SNAPC1: variants seen among roughly 807,000 people sequenced by gnomAD.
SNAPC1 encodes small nuclear RNA activating complex polypeptide 1.
A neutral mutation model predicts 50.1 loss-of-function variants in SNAPC1; 42 were observed. That is an observed-to-expected ratio of 0.84 (90% CI 0.65 to 1.08). SNAPC1 has a LOEUF of 1.08. SNAPC1 is among the 50% of genes least tolerant of loss of function. SNAPC1 has a pLI of 0.00. For missense variants in SNAPC1, 477 were observed against 427.3 expected (o/e 1.12, Z -1.02); for synonymous variants, 164 against 144.2 (o/e 1.14, Z -0.98).
intron 1 of SNAPC1, among the ~76,000 whole-genome samples, chr14:61,762,981 CTTTTTTTTTTT>C (rs145378546): frequency 0.017 from 1,233 of 73,058 alleles, 29 homozygotes; most frequent in African/African-American, 0.062. Flanking sequence ...CCAAAGTTGT[CTTTTTTTTTTT>C]TTTTTTTTTT....
At chr14:61,778,723 T>C in intron 6 of SNAPC1, 125 bp from the exon 7 acceptor site, 1 of 672,556 alleles carries the variant, frequency 1.5e-6, no homozygotes, top group Non-Finnish European at 2.6e-6. Flanking sequence ...ACCCAATGTA[T>C]GTTAGTTTCT....
Position 61,762,826 on chromosome 14 carries a change from C to T in SNAPC1, c.128+238C>T, listed in dbSNP as rs565578697. 1.2e-4 allele frequency among the ~76,000 whole-genome samples: 19 copies of T among 152,016 alleles called. No individual in the cohort carries two copies. The East Asian group carries it at 1.4e-3, about 11-fold the overall frequency. On this transcript the variant is annotated intron_variant, in intron 1 of 9. Transcript: ENST00000216294. ...CAAATATGCGTCTCTGCCTGGCCTCCCTTCTAAACTCCTCTCTCCCATCTC... is the reference window on the plus strand; with the variant it reads ...CAAATATGCGTCTCTGCCTGGCCTCTCTTCTAAACTCCTCTCTCCCATCTC...
At chr14:61,793,021 T>C in intron 9 of SNAPC1, 119 bp downstream of exon 9, 2 of 539,246 alleles carry the variant, frequency 3.7e-6, no homozygotes, top group South Asian at 5.5e-5. Context: ...TCCTTTCATC[T>C]TTGACCCATT....
rs1269716177 is a variant in SNAPC1, at chr14:61,782,327, A to T, written c.906A>T (p.Lys302Asn). 6.2e-7 allele frequency: 1 copy of T among 1,613,670 alleles called. No homozygotes were observed. Among genetic ancestry groups the T allele is most frequent in the South Asian group, 1.1e-5 (1 of 90,994 alleles). Residue 302 changes from lysine to asparagine, a missense_variant, in exon 8 of 10, where the codon AAA becomes AAT. Physicochemically the swap from Lys to Asn is moderately conservative, Grantham distance 94 (BLOSUM62 0). Transcript: ENST00000216294. ...SDSASGQGQV[K>N]ATRKKEKKER... ...CTGCATCTGGTCAAGGGCAAGTCAA[A>T]GCAACTAGGAAAAAAGAGAAGAAAG...
At chr14:61,765,590 C>CGCTA (rs2044940981) in intron 1 of SNAPC1, among the ~76,000 whole-genome samples, 1 of 152,152 alleles carries the variant, frequency 6.6e-6, no homozygotes, top group South Asian at 2.1e-4. Flanking sequence ...TTCTGATTAG[C>CGCTA]TTTTCCAAAG....
chr14:61,771,298 T>C lies in SNAPC1; in HGVS notation c.534+2558T>C, dbSNP rs111738872. 8.8e-3 allele frequency among the ~76,000 whole-genome samples: 1,335 copies of C among 152,298 alleles called. 7 individuals carry two copies. Among genetic ancestry groups the C allele is most frequent in the Middle Eastern group, 0.031 (9 of 294 alleles). On this transcript the variant is annotated intron_variant, in intron 4 of 9. Transcript: ENST00000216294. Reference sequence around the variant, plus strand: ...TAAAAATAGGGGTTTTTATCCGTGATTTAAAGTTGAGGAAACTGAGTTACA... The same window carrying C: ...TAAAAATAGGGGTTTTTATCCGTGACTTAAAGTTGAGGAAACTGAGTTACA...
intron 7 of SNAPC1, among the ~76,000 whole-genome samples, chr14:61,780,658 T>A (rs946017673): frequency 5.3e-5 from 8 of 152,240 alleles, no homozygotes; most frequent in Non-Finnish European, 8.8e-5. Context: ...GTTGTTTCTT[T>A]TGTTGTACAG....
intron 7 of SNAPC1, among the ~76,000 whole-genome samples, chr14:61,780,391 G>T (rs1046566089): frequency 6.6e-5 from 10 of 152,152 alleles, no homozygotes; most frequent in African/African-American, 2.2e-4. Context: ...CAGTTGCCTA[G>T]CTCTGAGGTT....
intron 4 of SNAPC1, among the ~76,000 whole-genome samples, chr14:61,773,581 A>G (rs2045011262): frequency 6.6e-6 from 1 of 151,108 alleles, no homozygotes; most frequent in Admixed American, 6.6e-5. Flanking sequence ...TTTTTTTAGT[A>G]GAGACAAGGT....
chr14:61,784,547 C>T (rs1038025548), intron 8 of SNAPC1, among the ~76,000 whole-genome samples: 2 of 152,042 alleles, frequency 1.3e-5, no homozygotes, highest in African/African-American at 4.8e-5. Flanking sequence ...GTTTTGTGAG[C>T]CGTGTTTCTG....
At chr14:61,767,114 A>G in intron 2 of SNAPC1, 79 bp downstream of exon 2, 1 of 1,103,210 alleles carries the variant, frequency 9.1e-7, no homozygotes, top group South Asian at 2.7e-5. Context: ...TTATATGATT[A>G]AATATGATTT....
intron 8 of SNAPC1, among the ~76,000 whole-genome samples, chr14:61,784,859 A>C (rs1295669121): frequency 6.6e-6 from 1 of 152,226 alleles, no homozygotes; most frequent in Non-Finnish European, 1.5e-5. Flanking sequence ...GTGTAATTAG[A>C]TAAGAGAGTG....
chr14:61,763,008 T>TTTTTTG (rs398025347), intron 1 of SNAPC1, among the ~76,000 whole-genome samples: 1 of 133,980 alleles, frequency 7.5e-6, no homozygotes, highest in Non-Finnish European at 1.6e-5. Flanking sequence ...TTTTTTTTTT[T>TTTTTTG]GAGACGGAGT....
chr14:61,771,639 T>G (rs2044992183), intron 4 of SNAPC1, among the ~76,000 whole-genome samples: 1 of 152,128 alleles, frequency 6.6e-6, no homozygotes, highest in Non-Finnish European at 1.5e-5. Flanking sequence ...ACATAATGTT[T>G]ATGTTTGGAG....
rs775011236 is a variant in SNAPC1, at chr14:61,778,962, T to C, written c.825+52T>C. The C allele has an allele frequency of 8.8e-6, 9 of 1,020,166 alleles. No homozygotes were observed. In the South Asian group the frequency reaches 1.3e-4, roughly 15 times the overall value. 63.2% of individuals were successfully genotyped at this position (1,020,166 alleles called of 1,614,324 possible). A position where few individuals can be genotyped will look rare whatever the true frequency, so the allele number is the denominator to read the frequency against. On this transcript the variant is annotated intron_variant, in intron 7 of 9. Transcript: ENST00000216294. ...TGGAAATTGACTGCTTTTTAAATTA[T>C]ATTTCAATTTTTCATCAAAGTAGTA...
chr14:61,766,622 G>A (rs1023627651), intron 1 of SNAPC1, among the ~76,000 whole-genome samples: 1 of 152,178 alleles, frequency 6.6e-6, no homozygotes, highest in South Asian at 2.1e-4. Context: ...TTAACCAATA[G>A]TAATTTGAAA....
chr14:61,789,617 G>T (rs10137051), intron 8 of SNAPC1, among the ~76,000 whole-genome samples: 16,453 of 152,206 alleles, frequency 0.11, 1,227 homozygotes, highest in South Asian at 0.25. Flanking sequence ...AGGGGCTGGT[G>T]TGAAAAAGGC....
chr14:61,765,974 A>G (rs2044945594), intron 1 of SNAPC1, among the ~76,000 whole-genome samples: 1 of 152,160 alleles, frequency 6.6e-6, no homozygotes, highest in African/African-American at 2.4e-5. Flanking sequence ...AATCCCTGAG[A>G]GTATTGGAGA....
intron 9 of SNAPC1, among the ~76,000 whole-genome samples, chr14:61,794,082 T>C (rs1206735160): frequency 6.6e-6 from 1 of 152,200 alleles, no homozygotes; most frequent in Non-Finnish European, 1.5e-5. Context: ...TATTCGAGTG[T>C]TGGTTCTGGC....
Sources: allele counts gnomAD v4.1 joint callset (sites outside exome capture counted in the v4.1 genomes callset), GRCh38; gene constraint gnomAD v4.1.1; transcripts MANE v1.5; gene names NCBI Gene and HGNC (gene_info 2026-07-23, HGNC 2026-07-21).